SNX24: variants seen among roughly 807,000 people sequenced by gnomAD.
SNX24 encodes the protein sorting nexin-24.
In SNX24, 22 loss-of-function variants were observed where a neutral mutation model predicts 28.7. The observed-to-expected ratio is 0.77, with a 90% CI of 0.55 to 1.10. The LOEUF is 1.10. Ranked by LOEUF, SNX24 falls within the 50% of genes least tolerant of loss-of-function variation. SNX24 has a pLI of 0.00. For synonymous variants in SNX24, 69 were observed against 71.5 expected (o/e 0.96, Z 0.18); for missense variants, 221 against 201.1 (o/e 1.10, Z -0.60).
intron 1 of SNX24, among the ~76,000 whole-genome samples, chr5:122,881,654 G>C (rs1371077283): frequency 6.6e-6 from 1 of 151,936 alleles, no homozygotes; most frequent in Non-Finnish European, 1.5e-5. Context: ...CATCTACTGA[G>C]TAGGGATTAT....
intron 1 of SNX24, among the ~76,000 whole-genome samples, chr5:122,858,553 A>G (rs1267141609): frequency 6.6e-6 from 1 of 152,204 alleles, no homozygotes; most frequent in Non-Finnish European, 1.5e-5. Context: ...TTACTGGACC[A>G]AAAATTACAT....
intron 2 of SNX24, among the ~76,000 whole-genome samples, chr5:122,943,975 A>C (rs1759573005): frequency 6.6e-6 from 1 of 152,186 alleles, no homozygotes; most frequent in Non-Finnish European, 1.5e-5. Context: ...CAGCATGTCT[A>C]CTTGGATGCC....
At position 122,951,188 on chromosome 5, in the gene SNX24, A is replaced by G. The variant is rs1217351610; in HGVS notation, c.249+5029A>G. 7.4e-5 allele frequency among the ~76,000 whole-genome samples: 11 copies of G among 148,128 alleles called. No individual in the cohort carries two copies. In the East Asian group the frequency reaches 2.3e-3, roughly 31 times the overall value. On this transcript the variant is annotated intron_variant, in intron 3 of 6. Coordinates refer to ENST00000261369, the MANE Select transcript of SNX24 (RefSeq NM_014035.4). ...AGGCTGAGGCAGGAGAATGGCGTGA[A>G]CCCGGGAGATGGAAGTTGCAGTGAG...
At chr5:122,847,751 C>G (rs929873408) in intron 1 of SNX24, among the ~76,000 whole-genome samples, 1 of 152,156 alleles carries the variant, frequency 6.6e-6, no homozygotes, top group Admixed American at 6.5e-5. Context: ...GCCTAGGCCT[C>G]CCAAAGTGCT....
chr5:122,891,799 A>G (rs1381339048), intron 1 of SNX24, among the ~76,000 whole-genome samples: 2 of 152,216 alleles, frequency 1.3e-5, no homozygotes, highest in Non-Finnish European at 1.5e-5. Flanking sequence ...TGGCCAGGAA[A>G]ATTAATGTTT....
intron 1 of SNX24, among the ~76,000 whole-genome samples, chr5:122,858,614 G>A (rs1755314698): frequency 6.6e-6 from 1 of 152,144 alleles, no homozygotes; most frequent in African/African-American, 2.4e-5. Context: ...TAGGGACTGT[G>A]GTATTATGCA....
At chr5:122,973,533 A>G (rs1761042692) in intron 3 of SNX24, among the ~76,000 whole-genome samples, 1 of 152,186 alleles carries the variant, frequency 6.6e-6, no homozygotes, top group South Asian at 2.1e-4. Flanking sequence ...GGGGAGGAGA[A>G]GGCTGGGTGG....
chr5:122,851,798 C>T (rs1754930910), intron 1 of SNX24, among the ~76,000 whole-genome samples: 1 of 152,024 alleles, frequency 6.6e-6, no homozygotes, highest in African/African-American at 2.4e-5. Context: ...TCATTCACTA[C>T]ACCTCAGTCC....
intron 2 of SNX24, among the ~76,000 whole-genome samples, chr5:122,941,774 T>C (rs1426389920): frequency 1.3e-5 from 2 of 152,202 alleles, no homozygotes; most frequent in Non-Finnish European, 2.9e-5. Flanking sequence ...TATTTATGAA[T>C]TACTAGAGGA....
chr5:122,963,617 C>T (rs1048406670), intron 3 of SNX24, among the ~76,000 whole-genome samples: 5 of 152,104 alleles, frequency 3.3e-5, no homozygotes, highest in African/African-American at 1.2e-4. Context: ...AGGCAGACAT[C>T]CTTTAGATAT....
chr5:122,938,302 A>C (rs991280802), intron 2 of SNX24, among the ~76,000 whole-genome samples: 1 of 152,102 alleles, frequency 6.6e-6, no homozygotes, highest in Non-Finnish European at 1.5e-5. Flanking sequence ...GTTCTTAGCT[A>C]TTCATGGTCA....
At chr5:122,978,605 A>G (rs1205471730) in intron 3 of SNX24, among the ~76,000 whole-genome samples, 3 of 152,220 alleles carry the variant, frequency 2.0e-5, no homozygotes, top group Admixed American at 6.5e-5. Flanking sequence ...GCTTTTATAC[A>G]GTAGCATCTG....
chr5:122,975,232 G>A (rs1301324172), intron 3 of SNX24, among the ~76,000 whole-genome samples: 1 of 152,076 alleles, frequency 6.6e-6, no homozygotes, highest in Non-Finnish European at 1.5e-5. Flanking sequence ...ACCCATCTGG[G>A]CTCCCCACAG....
chr5:123,002,150 C>G, intron 6 of SNX24, 146 bp downstream of exon 6: 1 of 666,868 alleles, frequency 1.5e-6, no homozygotes. Context: ...GTATAAGCGA[C>G]ACTTAGAATT....
At chr5:122,987,567 A>T (rs1761655488) in intron 3 of SNX24, among the ~76,000 whole-genome samples, 1 of 152,200 alleles carries the variant, frequency 6.6e-6, no homozygotes, top group Non-Finnish European at 1.5e-5. Context: ...GATTGCTGGG[A>T]TTCAGCCAGA....
intron 5 of SNX24, chr5:123,023,988 T>TGG (rs1762812341): frequency 3.7e-6 from 6 of 1,613,400 alleles, no homozygotes; most frequent in East Asian, 2.2e-5. Context: ...TGGAGCTCTA[T>TGG]GGAGTGCACC....
intron 1 of SNX24, among the ~76,000 whole-genome samples, chr5:122,866,807 T>TTAAAGACAGGCA (rs1441157612): frequency 6.6e-6 from 1 of 152,224 alleles, no homozygotes; most frequent in African/African-American, 2.4e-5. Context: ...GCCTGTTGAT[T>TTAAAGACAGGCA]TAAAGACATG....
chr5:123,017,692 A>G (rs1762703243), intron 5 of SNX24, among the ~76,000 whole-genome samples: 1 of 152,044 alleles, frequency 6.6e-6, no homozygotes, highest in Non-Finnish European at 1.5e-5. Flanking sequence ...GGTCTTTCCC[A>G]TGCTGTTCTC....
chr5:122,893,179 A>G (rs981191635), intron 1 of SNX24, among the ~76,000 whole-genome samples: 5 of 151,980 alleles, frequency 3.3e-5, no homozygotes, highest in Admixed American at 1.3e-4. Flanking sequence ...AAAAAAATTC[A>G]AAGTGTTTTC....
Sources: gnomAD v4.1 joint callset for allele counts (sites outside exome capture counted in the v4.1 genomes callset) on GRCh38, gnomAD v4.1.1 for gene constraint, MANE v1.5 for transcripts, NCBI Gene and HGNC (gene_info 2026-07-23, HGNC 2026-07-21) for gene names.